The following GPAT4 variants were observed in gnomAD, a reference collection of about 807,000 sequenced individuals.
GPAT4 encodes the protein glycerol-3-phosphate acyltransferase 4.
In GPAT4, 17 loss-of-function variants were observed where a neutral mutation model predicts 58.0. That is an observed-to-expected ratio of 0.29 (90% confidence interval 0.20 to 0.44). The LOEUF is 0.44. GPAT4 is among the 20% of genes least tolerant of loss of function. The pLI, the probability that GPAT4 is intolerant of heterozygous loss-of-function variation, is 1.00. For missense variants in GPAT4, 377 were observed against 574.5 expected (o/e 0.66, Z 3.51); for synonymous variants, 204 against 210.1 (o/e 0.97, Z 0.25).
At position 41,609,413 on chromosome 8, in the gene GPAT4, C is replaced by T. The variant is rs754717543; in HGVS notation, c.166-3C>T. On this transcript the variant is annotated splice_polypyrimidine_tract_variant and splice_region_variant and intron_variant, in intron 2 of 12. Coordinates refer to ENST00000396987, the MANE Select transcript of GPAT4 (RefSeq NM_178819.4). ...CTTGTATCTTGCTTCCTTCCCCTCC[C>T]AGTGGGCTACCTTGAGAATGGAGCG... 3 of 1,614,062 alleles carry T rather than the reference C, an allele frequency of 1.9e-6. No individual in the cohort carries two copies. The highest frequency in any genetic ancestry group is 2.5e-6 in the Non-Finnish European group (3 of 1,179,948).
intron 2 of GPAT4, among the ~76,000 whole-genome samples, chr8:41,599,954 T>C (rs1238256172): frequency 6.6e-6 from 1 of 152,112 alleles, no homozygotes; most frequent in Non-Finnish European, 1.5e-5. Context: ...ACCAAATCTT[T>C]AGGGATTCAT....
intron 10 of GPAT4, among the ~76,000 whole-genome samples, chr8:41,618,250 C>T (rs954706998): frequency 6.6e-6 from 1 of 152,136 alleles, no homozygotes; most frequent in Non-Finnish European, 1.5e-5. Context: ...GGGAGGTACA[C>T]TAGATGAATG....
In GPAT4 at chr8:41,610,525, A is replaced by G. The variant is rs908847448; in HGVS notation, c.537-211A>G. On this transcript the variant is annotated intron_variant, in intron 4 of 12. Transcript: ENST00000396987. ...GCCTCAGGAGATGCAGGCAGCTGAG[A>G]GCCAGACCCATGGCTCACTGTCAGC... 6 of 1,442,178 alleles carry G rather than the reference A, an allele frequency of 4.2e-6. No homozygotes were observed. In the African/African-American group the frequency reaches 7.1e-5, roughly 17 times the overall value. 89.3% of individuals were successfully genotyped at this position (1,442,178 alleles called of 1,614,324 possible). A position where few individuals can be genotyped will look rare whatever the true frequency, so the allele number is the denominator to read the frequency against.
At chr8:41,612,759 T>G in intron 7 of GPAT4, 86 bp from the exon 8 acceptor site, 1 of 1,231,180 alleles carries the variant, frequency 8.1e-7, no homozygotes, top group Admixed American at 2.3e-5. Context: ...TTGGACTGCT[T>G]ATTTTGTGAG....
At chr8:41,615,383 G>A (rs947908156) in intron 10 of GPAT4, among the ~76,000 whole-genome samples, 2 of 151,732 alleles carry the variant, frequency 1.3e-5, no homozygotes, top group African/African-American at 4.8e-5. Context: ...ATGGAAAGCT[G>A]GCTGATTGCA....
chr8:41,610,415 A>G, intron 4 of GPAT4: 1 of 1,249,458 alleles, frequency 8.0e-7, no homozygotes, highest in Non-Finnish European at 1.0e-6. Flanking sequence ...CGGGGTTTCC[A>G]GCCAAAGGGA....
At chr8:41,593,037 C>G (rs1802835514) in intron 1 of GPAT4, among the ~76,000 whole-genome samples, 1 of 152,152 alleles carries the variant, frequency 6.6e-6, no homozygotes, top group Admixed American at 6.5e-5. Context: ...AACAAATATA[C>G]TTACTTTTGG....
chr8:41,602,630 C>G (rs1803135440), intron 2 of GPAT4, among the ~76,000 whole-genome samples: 1 of 152,136 alleles, frequency 6.6e-6, no homozygotes, highest in Admixed American at 6.5e-5. Flanking sequence ...GGCTTCAGGT[C>G]TTGGGAAGTC....
At chr8:41,612,151 T>C (rs569966906) in intron 6 of GPAT4, 29 bp from the exon 7 acceptor site, 2 of 1,611,258 alleles carry the variant, frequency 1.2e-6, no homozygotes, top group South Asian at 2.2e-5. Context: ...ACACTAATTT[T>C]GGTTGCTTTG....
chr8:41,601,295 A>G (rs1585662277), intron 2 of GPAT4, among the ~76,000 whole-genome samples: 2 of 152,126 alleles, frequency 1.3e-5, no homozygotes, highest in Admixed American at 1.3e-4. Context: ...GGTGAATCAG[A>G]TGCATATTAA....
chr8:41,591,217 T>TAA (rs1163128564), intron 1 of GPAT4, among the ~76,000 whole-genome samples: 2 of 152,154 alleles, frequency 1.3e-5, no homozygotes, highest in African/African-American at 4.8e-5. Context: ...CTTTTCCATA[T>TAA]AATGTCTGAA....
chr8:41,596,832 G>C lies in GPAT4; in HGVS notation c.-848-1460G>C, dbSNP rs1320999191. Among the ~76,000 whole-genome samples, 5 of 152,228 alleles carry C rather than the reference G, an allele frequency of 3.3e-5. No homozygotes were observed. The East Asian group carries it at 9.6e-4, about 29-fold the overall frequency. On this transcript the variant is annotated intron_variant, in intron 1 of 12. Coordinates refer to ENST00000396987, the MANE Select transcript of GPAT4 (RefSeq NM_178819.4). The stretch of plus-strand genomic sequence containing the variant: ...TTGTAGAAGGAAAGGGCTTTATTCA[G>C]CTGGGAGCATCAGTGGACTCACGTC...
chr8:41,584,001 A>G (rs891245985), intron 1 of GPAT4, among the ~76,000 whole-genome samples: 3 of 152,152 alleles, frequency 2.0e-5, no homozygotes, highest in Non-Finnish European at 4.4e-5. Flanking sequence ...GACTCAGGTG[A>G]TCCTCCCACC....
intron 1 of GPAT4, among the ~76,000 whole-genome samples, chr8:41,591,223 C>T (rs967481238): frequency 9.9e-5 from 15 of 152,246 alleles, no homozygotes; most frequent in African/African-American, 3.4e-4. Context: ...CATATAATGT[C>T]TGAAATCTAT....
At chr8:41,584,163 C>G (rs921884590) in intron 1 of GPAT4, among the ~76,000 whole-genome samples, 2 of 152,154 alleles carry the variant, frequency 1.3e-5, no homozygotes, top group Non-Finnish European at 2.9e-5. Context: ...TCCCAGAATG[C>G]TGAAATTACA....
At position 41,622,181 on chromosome 8, in the gene GPAT4, A is replaced by G. The variant is rs1334600137; in HGVS notation, c.*1180A>G. The stretch of plus-strand genomic sequence containing the variant: ...GGTCGCTGATGTGAGGCCTAGGGGA[A>G]GCAATGAGTAAACTCCAGGGTGGGG... On this transcript the variant is annotated 3_prime_UTR_variant, in exon 13 of 13. Coordinates refer to ENST00000396987, the MANE Select transcript of GPAT4 (RefSeq NM_178819.4). The G allele has an allele frequency of 6.7e-6, 1 of 148,394 alleles. No homozygotes were observed. The highest frequency in any genetic ancestry group is 1.5e-5 in the Non-Finnish European group (1 of 67,504). 9.2% of individuals were successfully genotyped at this position (148,394 alleles called of 1,614,324 possible). A position where few individuals can be genotyped will look rare whatever the true frequency, so the allele number is the denominator to read the frequency against.
intron 2 of GPAT4, among the ~76,000 whole-genome samples, chr8:41,602,145 G>A (rs1329481918): frequency 1.3e-5 from 2 of 152,178 alleles, no homozygotes; most frequent in African/African-American, 4.8e-5. Flanking sequence ...AGTAAAGACA[G>A]GGTTTCGCCA....
At chr8:41,616,259 T>A (rs1489632528) in intron 10 of GPAT4, among the ~76,000 whole-genome samples, 1 of 152,246 alleles carries the variant, frequency 6.6e-6, no homozygotes, top group African/African-American at 2.4e-5. Flanking sequence ...ATTGTTTAAA[T>A]GCAGATTGCT....
chr8:41,586,517 G>A (rs891746142), intron 1 of GPAT4, among the ~76,000 whole-genome samples: 3 of 152,104 alleles, frequency 2.0e-5, no homozygotes, highest in Non-Finnish European at 4.4e-5. Flanking sequence ...AAAGTGTGAG[G>A]GTTGGATTCT....
Sources: gnomAD v4.1 joint callset for allele counts (sites outside exome capture counted in the v4.1 genomes callset) on GRCh38, gnomAD v4.1.1 for gene constraint, MANE v1.5 for transcripts, NCBI Gene and HGNC (gene_info 2026-07-23, HGNC 2026-07-21) for gene names.